The following PDE4D variants were observed in gnomAD, a reference collection of about 807,000 sequenced individuals.
PDE4D encodes the protein 3',5'-cyclic-AMP phosphodiesterase 4D.
A neutral mutation model predicts 87.4 loss-of-function variants in PDE4D; 24 were observed. That is an observed-to-expected ratio of 0.27 (90% confidence interval 0.20 to 0.39). The LOEUF (loss-of-function observed/expected upper bound fraction) is 0.39. PDE4D is among the 10% of genes least tolerant of loss of function. The pLI is 1.00. For synonymous variants in PDE4D, 384 were observed against 383.2 expected (o/e 1.00, Z -0.02); for missense variants, 714 against 1,041.0 (o/e 0.69, Z 4.32).
chr5:59,529,011 G>T, intron 1 of PDE4D: 1 of 469,004 alleles, frequency 2.1e-6, no homozygotes. Flanking sequence ...ACCTGCTTCA[G>T]TACAACAACC....
intron 5 of PDE4D, among the ~76,000 whole-genome samples, chr5:59,106,499 A>G (rs983148303): frequency 4.6e-5 from 7 of 152,228 alleles, no homozygotes; most frequent in Non-Finnish European, 1.0e-4. Flanking sequence ...GTGGTGACTC[A>G]TGCTTGTAAT....
chr5:59,049,850 T>C (rs531000059), intron 5 of PDE4D, among the ~76,000 whole-genome samples: 75 of 152,346 alleles, frequency 4.9e-4, no homozygotes, highest in African/African-American at 1.8e-3. Context: ...TTCTTCTTCT[T>C]CTTTTTTTTA....
At chr5:59,052,672 C>T (rs1761722509) in intron 5 of PDE4D, among the ~76,000 whole-genome samples, 1 of 152,140 alleles carries the variant, frequency 6.6e-6, no homozygotes. Context: ...ACTTAGCAAC[C>T]ATGGGGCAAA....
At chr5:59,091,048 C>T (rs1380058066) in intron 5 of PDE4D, 2 of 426,208 alleles carry the variant, frequency 4.7e-6, no homozygotes, top group South Asian at 3.5e-5. Flanking sequence ...AAATACAATT[C>T]AAATATCTAC....
At chr5:59,545,448 G>C (rs145691419) in intron 1 of PDE4D, among the ~76,000 whole-genome samples, 605 of 152,248 alleles carry the variant, frequency 4.0e-3, no homozygotes, top group African/African-American at 0.014. Context: ...ACAACCAGGA[G>C]CTTCTCAAGA....
chr5:59,916,789 C>T (rs1430013409), intron 3 of PDE4D, among the ~76,000 whole-genome samples: 1 of 147,176 alleles, frequency 6.8e-6, no homozygotes, highest in Non-Finnish European at 1.5e-5. Flanking sequence ...ACATAGATTC[C>T]TTTTTTTTTT....
intron 5 of PDE4D, among the ~76,000 whole-genome samples, chr5:59,040,553 C>T (rs1759515094): frequency 6.6e-6 from 1 of 152,224 alleles, no homozygotes; most frequent in Non-Finnish European, 1.5e-5. Context: ...TATTCAAAGG[C>T]ATACAGAAAA....
At chr5:59,726,809 A>G (rs148916457) in intron 1 of PDE4D, among the ~76,000 whole-genome samples, 27 of 152,262 alleles carry the variant, frequency 1.8e-4, no homozygotes, top group African/African-American at 5.8e-4. Context: ...ATAAACACAC[A>G]TATACACTTG....
chr5:60,053,647 TA>T (rs1458734269), intron 2 of PDE4D, among the ~76,000 whole-genome samples: 1 of 152,108 alleles, frequency 6.6e-6, no homozygotes. Context: ...ACTTCATGAC[TA>T]AAACACCAAA....
At chr5:60,365,256 T>C (rs1358412879) in intron 1 of PDE4D, among the ~76,000 whole-genome samples, 2 of 152,210 alleles carry the variant, frequency 1.3e-5, no homozygotes, top group South Asian at 2.1e-4. Context: ...AGTCTTGCAA[T>C]GTTAGCACAA....
intron 2 of PDE4D, among the ~76,000 whole-genome samples, chr5:60,158,792 A>C (rs952055831): frequency 3.3e-5 from 5 of 152,104 alleles, no homozygotes; most frequent in African/African-American, 1.2e-4. Flanking sequence ...AATGGTCTGG[A>C]TCTCCTGACC....
chr5:59,481,081 T>C (rs934869284), intron 1 of PDE4D, among the ~76,000 whole-genome samples: 1 of 152,072 alleles, frequency 6.6e-6, no homozygotes, highest in Non-Finnish European at 1.5e-5. Context: ...TGGCAAATAT[T>C]CCTACACTCT....
At chr5:59,699,509 G>T (rs1169419814) in intron 1 of PDE4D, among the ~76,000 whole-genome samples, 1 of 152,104 alleles carries the variant, frequency 6.6e-6, no homozygotes, top group Non-Finnish European at 1.5e-5. Context: ...AAGACTGCAG[G>T]AAATTAAGAA....
intron 1 of PDE4D, among the ~76,000 whole-genome samples, chr5:59,435,176 A>C (rs905274582): frequency 2.8e-4 from 42 of 152,020 alleles, no homozygotes; most frequent in African/African-American, 1.0e-3. Flanking sequence ...TTTCCTCCTC[A>C]AATCTATCCT....
At chr5:60,279,484 C>T (rs947451553) in intron 1 of PDE4D, among the ~76,000 whole-genome samples, 6 of 152,022 alleles carry the variant, frequency 3.9e-5, no homozygotes, top group African/African-American at 1.4e-4. Flanking sequence ...CCTAAGCTCC[C>T]GACATGGCTT....
chr5:59,309,216 C>T (rs1410019382), intron 1 of PDE4D, among the ~76,000 whole-genome samples: 1 of 152,146 alleles, frequency 6.6e-6, no homozygotes, highest in Non-Finnish European at 1.5e-5. Flanking sequence ...GGTTCTACTC[C>T]ACCTGTGGAG....
At chr5:59,662,563 A>G (rs1745429958) in intron 1 of PDE4D, among the ~76,000 whole-genome samples, 1 of 152,250 alleles carries the variant, frequency 6.6e-6, no homozygotes, top group African/African-American at 2.4e-5. Context: ...ATTAAACATC[A>G]TTTGTACACT....
chr5:59,538,506 G>A (rs1457604417), intron 1 of PDE4D, among the ~76,000 whole-genome samples: 3 of 146,346 alleles, frequency 2.0e-5, no homozygotes, highest in South Asian at 2.2e-4. Flanking sequence ...CATATTGAAT[G>A]CCAGTTCCCG....
intron 6 of PDE4D, among the ~76,000 whole-genome samples, chr5:58,998,348 T>A (rs1034077284): frequency 5.3e-5 from 8 of 152,080 alleles, no homozygotes; most frequent in Non-Finnish European, 1.2e-4. Flanking sequence ...ATAACATCAG[T>A]TGTGAGCTGG....
Sources: allele counts gnomAD v4.1 joint callset (sites outside exome capture counted in the v4.1 genomes callset), GRCh38; gene constraint gnomAD v4.1.1; transcripts MANE v1.5; gene names NCBI Gene and HGNC (gene_info 2026-07-23, HGNC 2026-07-21).